Variants in CCDC134 observed in about 807,000 individuals in gnomAD.
The protein encoded by CCDC134 is coiled-coil domain-containing protein 134.
In CCDC134, 27 loss-of-function variants were observed where a neutral mutation model predicts 25.6. The ratio of observed to expected loss-of-function variants is 1.05; its 90% CI spans 0.78 to 1.45. CCDC134 has a LOEUF of 1.45. Among genes scored for constraint, CCDC134 ranks in the 40% most tolerant of loss-of-function variants. The probability of loss-of-function intolerance (pLI) is 0.00; values close to 1 mark genes in which losing one functional copy is unlikely to be tolerated. For synonymous variants in CCDC134, 110 were observed against 115.0 expected, an observed-to-expected ratio of 0.96 and a Z score of 0.28; for missense variants, 261 against 286.7, an observed-to-expected ratio of 0.91 and a Z score of 0.65.
chr22:41,803,912 A>C (rs1327274551), intron 1 of CCDC134, among the ~76,000 whole-genome samples: 1 of 152,180 alleles, frequency 6.6e-6, no homozygotes, highest in Non-Finnish European at 1.5e-5. Flanking sequence ...CGGGCGGATC[A>C]CGAGGGCAGG....
At position 41,809,924 on chromosome 22, in the gene CCDC134, T is replaced by A. The variant is rs141988572; in HGVS notation, c.149T>A (p.Leu50Gln). Residue 50 changes from leucine (L) to glutamine (Q), a missense_variant, in exon 3 of 7, where the codon CTG (leucine) becomes CAG (glutamine). Leu to Gln is a moderately radical substitution (Grantham distance 113, BLOSUM62 -2). Transcript: ENST00000255784. ...AAGCGGCGGGAGCAGCTGTTGGCAC[T>A]GAAGAACCTGGCACAGCTGAACGAC... is the stretch of plus-strand genomic sequence containing the variant. ...EVKRREQLLA[L>Q]KNLAQLNDIH... 2.0e-5 allele frequency: 32 copies of A among 1,614,140 alleles called. No homozygotes were observed. The highest frequency in any genetic ancestry group is 7.7e-5 in the South Asian group (7 of 91,080).
Position 41,809,885 on chromosome 22 carries a change from A to T in CCDC134, c.110A>T (p.Lys37Met), listed in dbSNP as rs752367894. 7.4e-6 allele frequency: 12 copies of T among 1,614,196 alleles called. No individual in the cohort carries two copies. The highest frequency in any genetic ancestry group is 7.6e-6 in the Non-Finnish European group (9 of 1,180,042). Residue 37 changes from lysine to methionine, a missense_variant, in exon 3 of 7, where the codon AAG becomes ATG. Physicochemically the swap from Lys to Met is moderately conservative, Grantham distance 95. Transcript: ENST00000255784. ...SLDPSLEIYK[K>M]MFEVKRREQL... ...TTAACTTAATTCTGCCCAGACAAGA[A>T]GATGTTTGAGGTGAAGCGGCGGGAG...
intron 5 of CCDC134, 112 bp downstream of exon 5, chr22:41,813,557 G>A: frequency 7.4e-7 from 1 of 1,349,116 alleles, no homozygotes; most frequent in Non-Finnish European, 1.0e-6. Context: ...CATTTTCTTT[G>A]TGGAGCTTCA....
At chr22:41,811,999 T>G (rs780315068) in intron 4 of CCDC134, among the ~76,000 whole-genome samples, 2 of 152,204 alleles carry the variant, frequency 1.3e-5, no homozygotes, top group Non-Finnish European at 2.9e-5. Context: ...TCAGTCTAAA[T>G]TGACCTGTTG....
intron 4 of CCDC134, among the ~76,000 whole-genome samples, chr22:41,811,108 G>A (rs1236556278): frequency 6.6e-6 from 1 of 152,122 alleles, no homozygotes; most frequent in Non-Finnish European, 1.5e-5. Flanking sequence ...GCTGGTGAGG[G>A]CTGCCTGGGC....
chr22:41,809,764 G>T, intron 2 of CCDC134, 115 bp from the exon 3 acceptor site: 1 of 1,359,798 alleles, frequency 7.4e-7, no homozygotes, highest in South Asian at 1.4e-5. Context: ...TCTAGCCCTG[G>T]GTGTCCATGG....
intron 6 of CCDC134, among the ~76,000 whole-genome samples, chr22:41,820,586 G>C (rs1047355484): frequency 2.0e-5 from 3 of 152,242 alleles, no homozygotes; most frequent in Admixed American, 1.3e-4. Context: ...TGACAGTGGA[G>C]CTGCTGAGAA....
At chr22:41,810,146 G>A (rs951722391) in intron 3 of CCDC134, 61 bp from the exon 4 acceptor site, 7 of 1,596,538 alleles carry the variant, frequency 4.4e-6, no homozygotes, top group Non-Finnish European at 6.0e-6. Flanking sequence ...AAATAAATGG[G>A]GATGGGAGCA....
At chr22:41,821,791 G>C (rs1227605994) in intron 6 of CCDC134, among the ~76,000 whole-genome samples, 1 of 152,134 alleles carries the variant, frequency 6.6e-6, no homozygotes, top group Non-Finnish European at 1.5e-5. Context: ...CAGAAGAGCA[G>C]GTCCTTAACC....
In CCDC134 at chr22:41,825,851, C is replaced by A. The variant is rs1257273382; in HGVS notation, c.*28C>A. 1 of 1,611,296 alleles carries A rather than the reference C, an allele frequency of 6.2e-7. No homozygotes were observed. The highest frequency in any genetic ancestry group is 1.7e-5 in the Admixed American group (1 of 59,780). ...CTGGAGCAGCTCAGGGCTCAGGGGG[C>A]CACAAGGAGGCAGGTCGGGAGGAAG... On this transcript the variant is annotated 3_prime_UTR_variant, in exon 7 of 7. Coordinates refer to ENST00000255784, the MANE Select transcript of CCDC134 (RefSeq NM_024821.5). The surrounding 1 kb of genome is among the most constrained non-coding windows in gnomAD (Gnocchi z 4.4).
Position 41,825,622 on chromosome 22 carries a change from C to A in CCDC134, c.565-76C>A. On this transcript the variant is annotated intron_variant, in intron 6 of 6. Transcript: ENST00000255784. The surrounding 1 kb of genome is among the most constrained non-coding windows in gnomAD (Gnocchi z 4.4). Reference sequence around the variant, plus strand: ...TCCAGGGAACCTTCCTATTCCCACACCCCGCTGGTGGCCTAGCTCAGAGCA... The same window carrying A: ...TCCAGGGAACCTTCCTATTCCCACAACCCGCTGGTGGCCTAGCTCAGAGCA... 6.3e-7 allele frequency: 1 copy of A among 1,583,298 alleles called. No homozygotes were observed. The highest frequency in any genetic ancestry group is 1.1e-5 in the South Asian group (1 of 87,614).
rs2148327572 is a variant in CCDC134, at chr22:41,831,617, T to C, written c.*5794T>C. ...CTTTGTCCATGTCATCATTTCCCCT[T>C]TGGCTGTAACAGCTGCAGTTCTCTC... On this transcript the variant is annotated 3_prime_UTR_variant, in exon 7 of 7. Coordinates refer to ENST00000255784, the MANE Select transcript of CCDC134 (RefSeq NM_024821.5). The C allele has an allele frequency of 6.6e-6, 1 of 152,370 alleles. No homozygotes were observed. The highest frequency in any genetic ancestry group is 2.4e-5 in the African/African-American group (1 of 41,584). The allele number at this position is 152,370 out of a possible 1,614,324, so 9.4% of individuals were successfully genotyped here.
At chr22:41,824,187 CAG>C (rs2076665219) in intron 6 of CCDC134, among the ~76,000 whole-genome samples, 1 of 152,128 alleles carries the variant, frequency 6.6e-6, no homozygotes, top group Admixed American at 6.5e-5. Context: ...AGCAGCCCCT[CAG>C]GGAGTCAGGG....
chr22:41,802,564 G>A (rs2076548697), intron 1 of CCDC134, among the ~76,000 whole-genome samples: 1 of 152,128 alleles, frequency 6.6e-6, no homozygotes, highest in Non-Finnish European at 1.5e-5. Context: ...GAGGTTGAGA[G>A]TTCGAGACCA....
intron 1 of CCDC134, among the ~76,000 whole-genome samples, chr22:41,803,305 G>A (rs2076553067): frequency 6.6e-6 from 1 of 152,112 alleles, no homozygotes; most frequent in Non-Finnish European, 1.5e-5. Flanking sequence ...AGCAGCAAGG[G>A]AGGTTTGGAA....
At chr22:41,806,254 TG>T (rs1268363589) in intron 1 of CCDC134, among the ~76,000 whole-genome samples, 2 of 149,100 alleles carry the variant, frequency 1.3e-5, no homozygotes, top group Non-Finnish European at 3.0e-5. Flanking sequence ...AGTCTCGCTC[TG>T]TTGCCCAGGC....
intron 6 of CCDC134, among the ~76,000 whole-genome samples, chr22:41,815,796 G>A (rs1225928577): frequency 2.0e-5 from 3 of 151,938 alleles, no homozygotes; most frequent in Non-Finnish European, 4.4e-5. Flanking sequence ...AGGCCTGTGC[G>A]ACACCATTCC....
At chr22:41,810,832 C>T (rs948131087) in intron 4 of CCDC134, among the ~76,000 whole-genome samples, 1 of 152,116 alleles carries the variant, frequency 6.6e-6, no homozygotes, top group Non-Finnish European at 1.5e-5. Context: ...AGGATGCGGA[C>T]AGCTCTTATA....
chr22:41,808,846 C>T (rs1234081819), intron 1 of CCDC134, 29 bp from the exon 2 acceptor site: 1 of 1,522,494 alleles, frequency 6.6e-7, no homozygotes, highest in African/African-American at 1.4e-5. Flanking sequence ...CTCTGAGTCT[C>T]ACTCTCTTTC....
Sources: gnomAD v4.1 joint callset for allele counts (sites outside exome capture counted in the v4.1 genomes callset) on GRCh38, gnomAD v4.1.1 for gene constraint, Gnocchi (gnomAD v3.1) non-coding constraint, MANE v1.5 for transcripts, NCBI Gene and HGNC (gene_info 2026-07-23, HGNC 2026-07-21) for gene names.